Variants in FER observed in about 807,000 individuals in gnomAD.
FER encodes the protein FER tyrosine kinase.
In FER, 63 loss-of-function variants were observed where a neutral mutation model predicts 111.0. The observed-to-expected ratio is 0.57, with a 90% CI of 0.46 to 0.70. FER has a LOEUF of 0.70. Ranked by LOEUF, FER falls within the 30% of genes least tolerant of loss-of-function variation. The pLI is 0.00. For synonymous variants in FER, 327 were observed against 313.9 expected, an observed-to-expected ratio of 1.04 and a Z score of -0.44; for missense variants, 914 against 954.0, an observed-to-expected ratio of 0.96 and a Z score of 0.55.
At chr5:109,064,248 T>C (rs191131722) in intron 16 of FER, among the ~76,000 whole-genome samples, 285 of 152,296 alleles carry the variant, frequency 1.9e-3, no homozygotes, top group African/African-American at 6.4e-3. Flanking sequence ...TGGTAACCTA[T>C]TGGCATTCCA....
chr5:108,935,349 C>G (rs1755308418), intron 10 of FER, among the ~76,000 whole-genome samples: 1 of 152,098 alleles, frequency 6.6e-6, no homozygotes, highest in Non-Finnish European at 1.5e-5. Flanking sequence ...TAATCTGTCT[C>G]CTTCTTCACA....
intron 13 of FER, among the ~76,000 whole-genome samples, chr5:108,967,974 G>A (rs973451888): frequency 5.3e-5 from 8 of 152,086 alleles, no homozygotes; most frequent in Admixed American, 1.3e-4. Context: ...CTGCCTAGGC[G>A]TTTGTCTGCC....
At chr5:109,147,818 G>C (rs1754406778) in intron 17 of FER, among the ~76,000 whole-genome samples, 1 of 150,820 alleles carries the variant, frequency 6.6e-6, no homozygotes, top group Non-Finnish European at 1.5e-5. Context: ...GAGAGAGAGA[G>C]AGAGAGAGAC....
chr5:109,029,607 A>G (rs1389109826), intron 13 of FER, among the ~76,000 whole-genome samples: 1 of 151,440 alleles, frequency 6.6e-6, no homozygotes, highest in Non-Finnish European at 1.5e-5. Flanking sequence ...CACATTTACT[A>G]TTTACAGTTG....
At position 109,118,219 on chromosome 5, in the gene FER, T is replaced by C. The variant is rs577111593; in HGVS notation, c.2048+17700T>C. ...CATTGAGAGTTTTTAGCATGAAGCGTTGTTGAATTTTGTCAAAGGCCTTTT... is the reference window on the plus strand; with the variant it reads ...CATTGAGAGTTTTTAGCATGAAGCGCTGTTGAATTTTGTCAAAGGCCTTTT... On this transcript the variant is annotated intron_variant, in intron 17 of 19. Transcript: ENST00000281092. Among the ~76,000 whole-genome samples, 44 of 152,284 alleles carry C rather than the reference T, an allele frequency of 2.9e-4. 1 individual carries two copies. The East Asian group carries it at 2.9e-3, about 10-fold the overall frequency.
chr5:108,871,154 T>G (rs1269622832), intron 6 of FER, among the ~76,000 whole-genome samples: 1 of 152,114 alleles, frequency 6.6e-6, no homozygotes, highest in Non-Finnish European at 1.5e-5. Context: ...CATTTGTAAT[T>G]ATTGTATTAT....
chr5:108,801,242 A>G (rs1296991931), intron 3 of FER, among the ~76,000 whole-genome samples: 1 of 152,112 alleles, frequency 6.6e-6, no homozygotes. Context: ...TTCTAACTTC[A>G]TTTGTTGAAA....
intron 8 of FER, among the ~76,000 whole-genome samples, chr5:108,879,908 C>T (rs527620455): frequency 6.6e-6 from 1 of 151,696 alleles, no homozygotes; most frequent in South Asian, 2.1e-4. Flanking sequence ...CGAGGTTTCA[C>T]CATGTTGGCC....
intron 8 of FER, among the ~76,000 whole-genome samples, chr5:108,881,127 A>G (rs570761063): frequency 1.3e-5 from 2 of 152,274 alleles, no homozygotes; most frequent in East Asian, 3.9e-4. Context: ...TCTGTTTCTT[A>G]TCCTGTGCAC....
At chr5:108,775,452 TAAAG>T (rs1445578437) in intron 2 of FER, among the ~76,000 whole-genome samples, 2 of 152,224 alleles carry the variant, frequency 1.3e-5, no homozygotes, top group African/African-American at 2.4e-5. Flanking sequence ...ATCAATACCT[TAAAG>T]AAAACATTTT....
rs561321648 is a variant in FER at position 108,754,915 on chromosome 5, A to G, written c.-206+6915A>G. 2.6e-5 allele frequency among the ~76,000 whole-genome samples: 4 copies of G among 152,308 alleles called. No individual in the cohort carries two copies. The South Asian group carries it at 6.2e-4, about 24-fold the overall frequency. ...AGCTTAATTTTAAATCACTCATCCT[A>G]TGTGGAAGTACCACGTATAATATAC... On this transcript the variant is annotated intron_variant, in intron 1 of 19. Coordinates refer to ENST00000281092, the MANE Select transcript of FER (RefSeq NM_005246.4).
intron 17 of FER, among the ~76,000 whole-genome samples, chr5:109,147,493 A>G (rs911082704): frequency 6.6e-6 from 1 of 151,996 alleles, no homozygotes; most frequent in African/African-American, 2.4e-5. Context: ...ATCATTCATG[A>G]TAGTTTTCAA....
intron 16 of FER, among the ~76,000 whole-genome samples, chr5:109,069,331 GATA>G (rs1775498192): frequency 6.6e-6 from 1 of 152,142 alleles, no homozygotes; most frequent in South Asian, 2.1e-4. Context: ...CAAGCTCAGA[GATA>G]ATAAGAGATA....
rs1311596569 is a variant in FER at position 109,189,270 on chromosome 5, T to C, written c.*1695T>C. ...ATGGTCATGCTCAGGGCTAAATATG[T>C]TCTGGAAGCCTTTTATAAGTTCTCA... is the stretch of plus-strand genomic sequence containing the variant. On this transcript the variant is annotated 3_prime_UTR_variant, in exon 20 of 20. Transcript: ENST00000281092. 3 of 152,176 alleles carry C rather than the reference T, an allele frequency of 2.0e-5. No individual in the cohort carries two copies. Among genetic ancestry groups the C allele is most frequent in the Admixed American group, 2.0e-4 (3 of 15,290 alleles). The allele number at this position is 152,176 out of a possible 1,614,324, so 9.4% of individuals were successfully genotyped here.
intron 13 of FER, among the ~76,000 whole-genome samples, chr5:109,000,332 A>G (rs1474961916): frequency 1.3e-5 from 2 of 152,056 alleles, no homozygotes; most frequent in Admixed American, 6.5e-5. Flanking sequence ...ATTTGTTCTA[A>G]GAAAAACAAA....
chr5:109,036,890 T>G (rs1770483844), intron 13 of FER, among the ~76,000 whole-genome samples: 1 of 152,044 alleles, frequency 6.6e-6, no homozygotes, highest in Admixed American at 6.6e-5. Context: ...AATTGGTGTT[T>G]GTTGCTTTAT....
chr5:108,976,744 G>T (rs888636604), intron 13 of FER, among the ~76,000 whole-genome samples: 3 of 152,150 alleles, frequency 2.0e-5, no homozygotes, highest in Non-Finnish European at 2.9e-5. Flanking sequence ...TACATTTATA[G>T]TATTGTACTG....
intron 5 of FER, among the ~76,000 whole-genome samples, chr5:108,863,785 C>A (rs1580934839): frequency 6.6e-6 from 1 of 152,180 alleles, no homozygotes; most frequent in South Asian, 2.1e-4. Flanking sequence ...GGAGAATAAT[C>A]ATTTTATATT....
chr5:109,121,307 A>G (rs1460120803), intron 17 of FER, among the ~76,000 whole-genome samples: 1 of 152,158 alleles, frequency 6.6e-6, no homozygotes, highest in Non-Finnish European at 1.5e-5. Context: ...TCATGAAAAC[A>G]TGTTGAATTT....
Sources: allele counts gnomAD v4.1 joint callset (sites outside exome capture counted in the v4.1 genomes callset), GRCh38; gene constraint gnomAD v4.1.1; transcripts MANE v1.5; gene names NCBI Gene and HGNC (gene_info 2026-07-23, HGNC 2026-07-21).